The following GALNTL6 variants were observed in gnomAD, a reference collection of about 807,000 sequenced individuals.
GALNTL6 encodes the protein polypeptide N-acetylgalactosaminyltransferase like 6, also known as polypeptide N-acetylgalactosaminyltransferase-like 6.
In GALNTL6, 46 loss-of-function variants were observed where a neutral mutation model predicts 73.7. The ratio of observed to expected loss-of-function variants is 0.62; its 90% CI spans 0.49 to 0.80. The LOEUF (loss-of-function observed/expected upper bound fraction) is 0.80, where lower values mean the gene tolerates loss of function less well. GALNTL6 is among the 30% of genes least tolerant of loss of function. The pLI is 0.00. For missense variants in GALNTL6, 604 were observed against 755.0 expected, an observed-to-expected ratio of 0.80 and a Z score of 2.34; for synonymous variants, 259 against 263.7, an observed-to-expected ratio of 0.98 and a Z score of 0.17.
chr4:172,236,188 T>G (rs1737234427), intron 3 of GALNTL6, among the ~76,000 whole-genome samples: 1 of 152,218 alleles, frequency 6.6e-6, no homozygotes, highest in South Asian at 2.1e-4. Context: ...TTTTGAAATG[T>G]CTAGCCCACT....
intron 3 of GALNTL6, among the ~76,000 whole-genome samples, chr4:172,289,724 T>A (rs1053596071): frequency 2.6e-5 from 4 of 152,268 alleles, no homozygotes; most frequent in African/African-American, 7.2e-5. Flanking sequence ...CATGAGTTAT[T>A]AACCAAAATA....
intron 2 of GALNTL6, among the ~76,000 whole-genome samples, chr4:172,056,210 T>C (rs1642470055): frequency 6.6e-6 from 1 of 152,196 alleles, no homozygotes; most frequent in South Asian, 2.1e-4. Context: ...GTTGTTTACA[T>C]ACTTGAACTT....
rs117277003 is a variant in GALNTL6, at chr4:172,996,210, T to C, written c.1372-12968T>C. On this transcript the variant is annotated intron_variant, in intron 10 of 12. Transcript: ENST00000506823. Reference sequence around the variant, plus strand: ...CACACCATGGAATACTATGCAACCATAAAAAAAATGAGATCATGTCCTTTG... The same window carrying C: ...CACACCATGGAATACTATGCAACCACAAAAAAAATGAGATCATGTCCTTTG... Among the ~76,000 whole-genome samples, 286 of 150,808 alleles carry C rather than the reference T, an allele frequency of 1.9e-3. 6 individuals are homozygous for C. In the East Asian group the frequency reaches 0.043, roughly 23 times the overall value.
chr4:172,910,203 C>T (rs181610043), intron 8 of GALNTL6, among the ~76,000 whole-genome samples: 165 of 152,096 alleles, frequency 1.1e-3, no homozygotes, highest in Non-Finnish European at 1.5e-3. Context: ...AAATATTTGT[C>T]GAAAGCCTAT....
chr4:172,833,113 C>T (rs879772163), intron 7 of GALNTL6, among the ~76,000 whole-genome samples: 2 of 152,040 alleles, frequency 1.3e-5, no homozygotes, highest in Non-Finnish European at 2.9e-5. Flanking sequence ...GTGTTACACA[C>T]TAGAACATGG....
chr4:172,087,210 G>A (rs1732062727), intron 2 of GALNTL6, among the ~76,000 whole-genome samples: 1 of 152,072 alleles, frequency 6.6e-6, no homozygotes, highest in Non-Finnish European at 1.5e-5. Context: ...TTGGGAGGCC[G>A]AGGCAGGCGG....
chr4:172,992,113 C>T (rs1751570501), intron 10 of GALNTL6, among the ~76,000 whole-genome samples: 1 of 152,186 alleles, frequency 6.6e-6, no homozygotes, highest in South Asian at 2.1e-4. Context: ...TAGCATACAA[C>T]TCCTATTTTT....
chr4:172,833,831 C>T (rs899037183), intron 7 of GALNTL6, among the ~76,000 whole-genome samples: 1 of 152,178 alleles, frequency 6.6e-6, no homozygotes, highest in African/African-American at 2.4e-5. Context: ...AGGGAGTAGT[C>T]AACTTCCCCA....
Position 172,156,567 on chromosome 4 carries a change from ACATAC to A in GALNTL6, c.139-73088_139-73084del, listed in dbSNP as rs1157809692. Reference sequence around the variant, plus strand: ...TATATATATATATATATATATATATACATACTATATATATATAGTATATTGTACTT... The same window carrying A: ...TATATATATATATATATATATATATATATATATATATAGTATATTGTACTT... On this transcript the variant is annotated intron_variant, in intron 2 of 12. Coordinates refer to ENST00000506823, the MANE Select transcript of GALNTL6 (RefSeq NM_001034845.3). 3.2e-4 allele frequency among the ~76,000 whole-genome samples: 30 copies of A among 95,170 alleles called. 1 individual carries two copies. The highest frequency in any genetic ancestry group is 1.2e-3 in the African/African-American group (25 of 21,526). 62.4% of individuals were successfully genotyped at this position (95,170 alleles called of 152,430 possible). A position where few individuals can be genotyped will look rare whatever the true frequency, so the allele number is the denominator to read the frequency against.
Position 172,809,292 on chromosome 4 carries a change from C to A in GALNTL6, c.554-69C>A, listed in dbSNP as rs1266602539. On this transcript the variant is annotated intron_variant, in intron 5 of 12. Transcript: ENST00000506823. This position sits in a 1 kb window ranked among gnomAD's most constrained non-coding sequence, Gnocchi z 4.4. ...CAGTCACATACTCTCTATGCACAAA[C>A]AACCGTGAATAATTCAGCTGCAACT... The A allele has an allele frequency of 7.8e-7, 1 of 1,288,300 alleles. No individual in the cohort carries two copies. Among genetic ancestry groups the A allele is most frequent in the Non-Finnish European group, 1.1e-6 (1 of 898,372 alleles). The allele number at this position is 1,288,300 out of a possible 1,614,324, so 79.8% of individuals were successfully genotyped here. A position where few individuals can be genotyped will look rare whatever the true frequency, so the allele number is the denominator to read the frequency against.
intron 5 of GALNTL6, among the ~76,000 whole-genome samples, chr4:172,384,329 G>A (rs889734777): frequency 2.0e-5 from 3 of 151,928 alleles, no homozygotes; most frequent in African/African-American, 7.2e-5. Flanking sequence ...AGTCAGCTTT[G>A]GTAGTTTGTG....
At chr4:172,579,326 T>C (rs909123701) in intron 5 of GALNTL6, among the ~76,000 whole-genome samples, 1 of 152,192 alleles carries the variant, frequency 6.6e-6, no homozygotes, top group African/African-American at 2.4e-5. Flanking sequence ...TTTCTAGTGA[T>C]GTGACCAACT....
chr4:171,921,188 A>T (rs1284601227), intron 2 of GALNTL6, among the ~76,000 whole-genome samples: 2 of 152,118 alleles, frequency 1.3e-5, no homozygotes, highest in African/African-American at 4.8e-5. Flanking sequence ...ATGTACCAGT[A>T]ATCAAAGCCA....
At chr4:172,143,375 T>A (rs1733849271) in intron 2 of GALNTL6, among the ~76,000 whole-genome samples, 1 of 152,046 alleles carries the variant, frequency 6.6e-6, no homozygotes, top group African/African-American at 2.4e-5. Context: ...TTTTAAATTA[T>A]ATTTTAAACT....
At chr4:172,824,046 C>G (rs1699612057) in intron 7 of GALNTL6, among the ~76,000 whole-genome samples, 2 of 152,066 alleles carry the variant, frequency 1.3e-5, no homozygotes, top group African/African-American at 4.8e-5. Context: ...GGCCAGTGGG[C>G]TTGTTGGCGA....
chr4:172,285,403 G>A (rs2111087930), intron 3 of GALNTL6, among the ~76,000 whole-genome samples: 1 of 152,238 alleles, frequency 6.6e-6, no homozygotes, highest in Non-Finnish European at 1.5e-5. Flanking sequence ...CTGCCAGGTA[G>A]GAAAGTCAGT....
chr4:172,494,857 T>C (rs1022238632), intron 5 of GALNTL6, among the ~76,000 whole-genome samples: 3 of 152,222 alleles, frequency 2.0e-5, no homozygotes, highest in Non-Finnish European at 4.4e-5. Flanking sequence ...CCCACCCGTA[T>C]TGAGGGTGGG....
At chr4:172,966,875 G>A (rs1381937996) in intron 10 of GALNTL6, among the ~76,000 whole-genome samples, 1 of 151,874 alleles carries the variant, frequency 6.6e-6, no homozygotes, top group Non-Finnish European at 1.5e-5. Flanking sequence ...TCTGAGAAGT[G>A]TGGTGACTGT....
chr4:172,925,479 C>G (rs905119858), intron 8 of GALNTL6, among the ~76,000 whole-genome samples: 1 of 152,092 alleles, frequency 6.6e-6, no homozygotes, highest in African/African-American at 2.4e-5. Flanking sequence ...AGAGATTTGG[C>G]AAACGTAATT....
Sources: gnomAD v4.1 joint callset for allele counts (sites outside exome capture counted in the v4.1 genomes callset) on GRCh38, gnomAD v4.1.1 for gene constraint, Gnocchi (gnomAD v3.1) non-coding constraint, MANE v1.5 for transcripts, NCBI Gene and HGNC (gene_info 2026-07-23, HGNC 2026-07-21) for gene names.